Variants in UBE2A observed in about 807,000 individuals in gnomAD.
UBE2A encodes the protein ubiquitin conjugating enzyme E2 A, also known as ubiquitin-conjugating enzyme E2 A.
For synonymous variants in UBE2A, 39 were observed against 41.1 expected, an observed-to-expected ratio of 0.95 and a Z score of 0.20; for missense variants, 27 against 125.8, an observed-to-expected ratio of 0.21 and a Z score of 3.76.
At position 119,583,734 on chromosome X, in the gene UBE2A, A is replaced by G. The variant is rs1375116112; in HGVS notation, c.*479A>G. The G allele has an allele frequency of 7.9e-6, 1 of 126,809 alleles. No homozygotes were observed. 10.5% of individuals were successfully genotyped at this position (126,809 alleles called of 1,213,427 possible). On this transcript the variant is annotated 3_prime_UTR_variant, in exon 6 of 6. Coordinates refer to ENST00000371558, the MANE Select transcript of UBE2A (RefSeq NM_003336.4). ...GAATAGAAACAAATCCATGTAAACA[A>G]TTTTGAAGGAGGCATGGGAGCTAAA... is the stretch of plus-strand genomic sequence containing the variant.
At chrX:119,576,564 A>T (rs760577854) in intron 3 of UBE2A, among the ~76,000 whole-genome samples, 1 of 111,734 alleles carries the variant, frequency 8.9e-6, no homozygotes, top group Non-Finnish European at 1.9e-5. Flanking sequence ...CATTTCTGCA[A>T]ACTACTTAAT....
At chrX:119,576,215 G>T (rs2053414738) in intron 3 of UBE2A, among the ~76,000 whole-genome samples, 1 of 111,487 alleles carries the variant, frequency 9.0e-6, no homozygotes, top group Admixed American at 9.5e-5. Flanking sequence ...GCAGTTGCAA[G>T]AAATAATAGA....
At chrX:119,574,868 G>A (rs368972099) in intron 1 of UBE2A, 33 bp from the exon 2 acceptor site, 3 of 1,208,119 alleles carry the variant, frequency 2.5e-6, no homozygotes, top group Non-Finnish European at 3.4e-6. Context: ...CGCCAGTGCC[G>A]GCCTAGGGGG....
chrX:119,583,259 C>CG lies in UBE2A; in HGVS notation c.*7dup. The CG allele has an allele frequency of 8.3e-7, 1 of 1,211,236 alleles. No homozygotes were observed. Among genetic ancestry groups the CG allele is most frequent in the Non-Finnish European group, 1.1e-6 (1 of 895,329 alleles). On this transcript the variant is annotated 3_prime_UTR_variant, in exon 6 of 6. Coordinates refer to ENST00000371558, the MANE Select transcript of UBE2A (RefSeq NM_003336.4). Reference sequence around the variant, plus strand: ...ACAAAGCTGGCGTGATTGTTGACCCCGGGTACAGTTTAAAGAAGCTGGCCA... The same window carrying CG: ...ACAAAGCTGGCGTGATTGTTGACCCCGGGGTACAGTTTAAAGAAGCTGGCCA...
intron 4 of UBE2A, 30 bp from the exon 5 acceptor site, chrX:119,582,558 C>T (rs1342620034): frequency 3.7e-6 from 4 of 1,082,478 alleles, no homozygotes; most frequent in East Asian, 6.1e-5. Flanking sequence ...GGTCTTGTTA[C>T]GTTTAATGTA....
intron 5 of UBE2A, 117 bp from the exon 6 acceptor site, chrX:119,583,010 T>G (rs1203098048): frequency 2.1e-6 from 2 of 967,778 alleles, no homozygotes; most frequent in African/African-American, 3.8e-5. Context: ...AACTCTGGGT[T>G]TGTATGCTAA....
chrX:119,575,446 G>A lies in UBE2A; in HGVS notation c.151+46G>A, dbSNP rs780507760. 3.1e-5 allele frequency: 37 copies of A among 1,204,186 alleles called. 1 individual carries two copies. Among genetic ancestry groups the A allele is most frequent in the Non-Finnish European group, 3.1e-5 (28 of 890,223 alleles). On this transcript the variant is annotated intron_variant, in intron 3 of 5. Transcript: ENST00000371558. ...CCACTTTTCAGGAGCCTGGTCATCT[G>A]GGGAAAGGGTTCCCAGTCATCCTGG...
intron 3 of UBE2A, among the ~76,000 whole-genome samples, chrX:119,579,485 CACTTA>C (rs2053437594): frequency 8.9e-6 from 1 of 111,980 alleles, no homozygotes; most frequent in Admixed American, 9.5e-5. Flanking sequence ...GGTTTTGGAG[CACTTA>C]ACTTTGTGGA....
intron 3 of UBE2A, chrX:119,580,244 G>T (rs1486780474): frequency 8.9e-6 from 1 of 111,798 alleles, no homozygotes; most frequent in East Asian, 2.8e-4. Context: ...TCATAGTAAG[G>T]GCAGCTTTGT....
In UBE2A at chrX:119,575,086, TG is replaced by T. The variant is rs776447173; in HGVS notation, c.125+106del. The T allele has an allele frequency of 3.9e-6, 4 of 1,022,964 alleles. No homozygotes were observed. The South Asian group carries it at 7.7e-5, about 20-fold the overall frequency. 84.3% of individuals were successfully genotyped at this position (1,022,964 alleles called of 1,213,427 possible). ...CGGAGGCCGAGCGGGTAGGGGAAAATGTTTGGGTCTGGCTGGGCCTAGGCGC... is the reference window on the plus strand; with the variant it reads ...CGGAGGCCGAGCGGGTAGGGGAAAATTTTGGGTCTGGCTGGGCCTAGGCGC... On this transcript the variant is annotated intron_variant, in intron 2 of 5. Transcript: ENST00000371558.
chrX:119,582,891 T>C (rs995924480), intron 5 of UBE2A, among the ~76,000 whole-genome samples: 3 of 109,541 alleles, frequency 2.7e-5, no homozygotes, highest in African/African-American at 1.0e-4. Flanking sequence ...GGTGGGAGGA[T>C]TGCTTGAGTT....
intron 3 of UBE2A, among the ~76,000 whole-genome samples, chrX:119,577,635 C>CTTTTTTTTTTT (rs11380086): frequency 3.5e-5 from 2 of 56,804 alleles, no homozygotes; most frequent in South Asian, 1.4e-3. Context: ...AAAATTTTAG[C>CTTTTTTTTTTT]TTTTTTTTTT....
rs760123015 is a variant in UBE2A at position 119,582,585 on chromosome X, T to TA, written c.242-2dup. The TA allele has an allele frequency of 4.2e-6, 5 of 1,197,296 alleles. No homozygotes were observed. The highest frequency in any genetic ancestry group is 3.5e-5 in the African/African-American group (2 of 57,007). On this transcript the variant is annotated splice_region_variant and splice_polypyrimidine_tract_variant and intron_variant, in intron 4 of 5. Transcript: ENST00000371558. ...TTTAATGTACCTACTTCTTTGTTCT[T>TA]AGTCTATGCAGATGGTAGTATATGT...
At position 119,574,742 on chromosome X, in the gene UBE2A, C is replaced by T. The variant is rs1291052129; in HGVS notation, c.31C>T (p.Arg11Trp). ...CACCCCGGCTCGGCGGCGCCTCATG[C>T]GGGACTTCAAGAGGTAAACCGAGGG... is the stretch of plus-strand genomic sequence containing the variant. MSTPARRRLM[R>W]DFKRLQEDPP... Residue 11 changes from arginine to tryptophan, a missense_variant, in exon 1 of 6, where the codon CGG becomes TGG. Transcript: ENST00000371558. 2.5e-6 allele frequency: 3 copies of T among 1,196,294 alleles called. No homozygotes were observed. The highest frequency in any genetic ancestry group is 1.1e-6 in the Non-Finnish European group (1 of 888,451).
rs370058300 is a variant in UBE2A at position 119,583,292 on chromosome X, AATAT to A, written c.*42_*45del. 1,626 of 1,207,740 alleles carry A rather than the reference AATAT, an allele frequency of 1.3e-3. 15 individuals are homozygous for A. The South Asian group carries it at 0.023, about 17-fold the overall frequency. The stretch of plus-strand genomic sequence containing the variant: ...GTTTAAAGAAGCTGGCCATAAGAAA[AATAT>A]ATATTGATGTGTTTGTCACCTCCCT... On this transcript the variant is annotated 3_prime_UTR_variant, in exon 6 of 6. Transcript: ENST00000371558.
At chrX:119,579,638 C>A (rs1213142688) in intron 3 of UBE2A, among the ~76,000 whole-genome samples, 2 of 111,903 alleles carry the variant, frequency 1.8e-5, no homozygotes, top group African/African-American at 3.2e-5. Context: ...CTAGTAAGTA[C>A]CAAAGCAAGG....
Position 119,574,645 on chromosome X carries a change from G to C in UBE2A, c.-67G>C, listed in dbSNP as rs2053400716. ...CTTCTCCTGCTTCTCCAGCCTCTTC[G>C]GCCTCCTCGCCCGCCGCGGGAACCC... On this transcript the variant is annotated 5_prime_UTR_variant, in exon 1 of 6. Coordinates refer to ENST00000371558, the MANE Select transcript of UBE2A (RefSeq NM_003336.4). 1 of 1,153,773 alleles carries C rather than the reference G, an allele frequency of 8.7e-7. No individual in the cohort carries two copies. Among genetic ancestry groups the C allele is most frequent in the African/African-American group, 1.8e-5 (1 of 56,062 alleles).
intron 2 of UBE2A, 142 bp downstream of exon 2, chrX:119,575,123 C>A: frequency 2.4e-6 from 2 of 843,952 alleles, no homozygotes; most frequent in Non-Finnish European, 3.5e-6. Context: ...CTCCCCGGAG[C>A]CTGTGCCTCG....
At chrX:119,577,602 T>G (rs1465504936) in intron 3 of UBE2A, among the ~76,000 whole-genome samples, 2 of 106,403 alleles carry the variant, frequency 1.9e-5, no homozygotes, top group Non-Finnish European at 3.9e-5. Flanking sequence ...TGGAACACTG[T>G]GGCCTGTGGT....
Sources: allele counts gnomAD v4.1 joint callset (sites outside exome capture counted in the v4.1 genomes callset), GRCh38; gene constraint gnomAD v4.1.1; transcripts MANE v1.5; gene names NCBI Gene and HGNC (gene_info 2026-07-23, HGNC 2026-07-21).